NEK6: variants seen among roughly 807,000 people sequenced by gnomAD.
NEK6 encodes the protein serine/threonine-protein kinase Nek6.
Under a neutral mutation model 43.5 loss-of-function variants are expected in NEK6, and 27 were observed. The ratio of observed to expected loss-of-function variants is 0.62; its 90% CI spans 0.46 to 0.86. NEK6 has a LOEUF of 0.86. NEK6 is among the 40% of genes least tolerant of loss of function. The pLI is 0.00. For missense variants in NEK6, 318 were observed against 414.4 expected (o/e 0.77, Z 2.02); for synonymous variants, 167 against 164.1 (o/e 1.02, Z -0.14).
intron 1 of NEK6, among the ~76,000 whole-genome samples, chr9:124,287,904 C>T (rs1291666719): frequency 6.6e-6 from 1 of 152,182 alleles, no homozygotes; most frequent in Non-Finnish European, 1.5e-5. Flanking sequence ...GAGGCACAAT[C>T]GTCATGTAAA....
At chr9:124,279,976 A>C (rs1831823154) in intron 1 of NEK6, among the ~76,000 whole-genome samples, 1 of 152,240 alleles carries the variant, frequency 6.6e-6, no homozygotes, top group Non-Finnish European at 1.5e-5. Context: ...ATGATGGCAG[A>C]GTGGGTTAAC....
chr9:124,326,460 C>G lies in NEK6; in HGVS notation c.514+22C>G. On this transcript the variant is annotated intron_variant, in intron 6 of 9. Coordinates refer to ENST00000320246, the MANE Select transcript of NEK6 (RefSeq NM_014397.6). The surrounding 1 kb of genome is among the most constrained non-coding windows in gnomAD (Gnocchi z 4.5). Reference sequence around the variant, plus strand: ...CGAGGTACGTGCCACCCGCCAGGAGCCGCCCGGAGCCACCTGGAGCCCAGG... The same window carrying G: ...CGAGGTACGTGCCACCCGCCAGGAGGCGCCCGGAGCCACCTGGAGCCCAGG... The G allele has an allele frequency of 6.5e-7, 1 of 1,536,204 alleles. No homozygotes were observed. Among genetic ancestry groups the G allele is most frequent in the Non-Finnish European group, 8.8e-7 (1 of 1,133,276 alleles).
chr9:124,306,039 C>G (rs1373278052), intron 2 of NEK6, among the ~76,000 whole-genome samples: 1 of 152,066 alleles, frequency 6.6e-6, no homozygotes, highest in Non-Finnish European at 1.5e-5. Flanking sequence ...GGCTCGTGCT[C>G]AAGGCTCAGG....
chr9:124,291,851 G>T (rs1481393504), intron 1 of NEK6: 4 of 985,440 alleles, frequency 4.1e-6, no homozygotes, highest in Non-Finnish European at 4.8e-6. Context: ...CACTTTGGAG[G>T]TGGCAGCCGG....
intron 4 of NEK6, among the ~76,000 whole-genome samples, chr9:124,319,094 C>T (rs1321094747): frequency 1.3e-5 from 2 of 152,218 alleles, no homozygotes; most frequent in Admixed American, 6.5e-5. Context: ...AAGCGATTCT[C>T]CTGCCCCAAC....
chr9:124,336,593 G>A (rs565127114), intron 7 of NEK6, among the ~76,000 whole-genome samples: 1 of 152,268 alleles, frequency 6.6e-6, no homozygotes, highest in East Asian at 1.9e-4. Flanking sequence ...CCACATCTCA[G>A]CCAGCCTTTG....
upstream of NEK6, chr9:124,257,921 G>A (rs1382758753): frequency 5.2e-6 from 5 of 968,906 alleles, no homozygotes; most frequent in South Asian, 4.7e-5. Context: ...GGGGAGGGGC[G>A]GGCGCGCGGG....
chr9:124,339,691 G>A (rs1413435117), intron 8 of NEK6, 26 bp downstream of exon 8: 2 of 1,546,540 alleles, frequency 1.3e-6, no homozygotes, highest in South Asian at 2.2e-5. Flanking sequence ...TGGCTCAGCA[G>A]CATTTGGTGG....
chr9:124,291,216 C>T (rs1011302505), intron 1 of NEK6, among the ~76,000 whole-genome samples: 26 of 152,172 alleles, frequency 1.7e-4, no homozygotes, highest in Non-Finnish European at 3.4e-4. Context: ...ACAACTGGGA[C>T]GTGGCTAAGC....
At chr9:124,296,923 G>A (rs529543296) in intron 1 of NEK6, among the ~76,000 whole-genome samples, 10 of 152,350 alleles carry the variant, frequency 6.6e-5, no homozygotes, top group South Asian at 6.2e-4. Context: ...TACAGCAGCC[G>A]ATCCCTTCCA....
chr9:124,266,520 C>T (rs1831233986), intron 1 of NEK6, among the ~76,000 whole-genome samples: 1 of 152,170 alleles, frequency 6.6e-6, no homozygotes, highest in Non-Finnish European at 1.5e-5. Context: ...TGTGAGGGCC[C>T]CCAGGCAGCT....
rs1363577619 is a variant in NEK6 at position 124,351,575 on chromosome 9, T to C, written c.*628T>C. 1 of 152,306 alleles carries C rather than the reference T, an allele frequency of 6.6e-6. No individual in the cohort carries two copies. Among genetic ancestry groups the C allele is most frequent in the Non-Finnish European group, 1.5e-5 (1 of 68,108 alleles). The allele number at this position is 152,306 out of a possible 1,614,324, so 9.4% of individuals were successfully genotyped here. A position where few individuals can be genotyped will look rare whatever the true frequency, so the allele number is the denominator to read the frequency against. On this transcript the variant is annotated 3_prime_UTR_variant, in exon 10 of 10. Transcript: ENST00000320246. ...GGCATCGGGAAGCAGGAGCATCTTC[T>C]TGGCAGCCAGGCTGGGCCATCTTCT...
intron 4 of NEK6, 25 bp from the exon 5 acceptor site, chr9:124,321,429 GCCCCC>G: frequency 7.5e-6 from 11 of 1,462,206 alleles, no homozygotes; most frequent in Non-Finnish European, 9.6e-6. Context: ...TTCACTTGGT[GCCCCC>G]TTCCCTCTTT....
chr9:124,308,489 TAA>T (rs200174992), intron 2 of NEK6, among the ~76,000 whole-genome samples: 1,811 of 152,026 alleles, frequency 0.012, 26 homozygotes, highest in African/African-American at 0.04. Flanking sequence ...CCATCTCTAC[TAA>T]AAATACAAAA....
At chr9:124,278,732 A>G (rs962699198) in intron 1 of NEK6, among the ~76,000 whole-genome samples, 1 of 152,220 alleles carries the variant, frequency 6.6e-6, no homozygotes, top group Middle Eastern at 3.2e-3. Context: ...TGGTTGACAC[A>G]TTATACAGCT....
chr9:124,287,927 C>T (rs746053509), intron 1 of NEK6, among the ~76,000 whole-genome samples: 1 of 152,230 alleles, frequency 6.6e-6, no homozygotes, highest in Non-Finnish European at 1.5e-5. Flanking sequence ...TATAGGGTCT[C>T]TCACCAGCCA....
At chr9:124,333,098 G>T (rs2416926) in intron 7 of NEK6, among the ~76,000 whole-genome samples, 150,316 of 152,304 alleles carry the variant, frequency 0.99, 74,188 homozygotes, top group East Asian at 1. Flanking sequence ...CTTCCCCGAC[G>T]ACTCCTCAGA....
intron 1 of NEK6, chr9:124,291,720 G>A (rs1420306665): frequency 1.7e-6 from 1 of 605,670 alleles, no homozygotes; most frequent in African/African-American, 2.0e-5. Context: ...CGAGCACAAG[G>A]ACCAAAGGAA....
chr9:124,326,202 T>TCTCCCCCCCCCCC lies in NEK6; in HGVS notation c.406-127_406-126insTCCCCCCCCCCCC. 1 of 124,052 alleles carries TCTCCCCCCCCCCC rather than the reference T, an allele frequency of 8.1e-6. No individual in the cohort carries two copies. 7.7% of individuals were successfully genotyped at this position (124,052 alleles called of 1,614,324 possible). On this transcript the variant is annotated intron_variant, in intron 5 of 9. Coordinates refer to ENST00000320246, the MANE Select transcript of NEK6 (RefSeq NM_014397.6). The surrounding 1 kb of genome is among the most constrained non-coding windows in gnomAD (Gnocchi z 4.5). The stretch of plus-strand genomic sequence containing the variant: ...GCTTATTGTTTGCTCAGTGGCTCAA[T>TCTCCCCCCCCCCC]CCCCCCCCCCCGCCCCTGCCAGGCA...
Sources: gnomAD v4.1 joint callset for allele counts (sites outside exome capture counted in the v4.1 genomes callset) on GRCh38, gnomAD v4.1.1 for gene constraint, Gnocchi (gnomAD v3.1) non-coding constraint, MANE v1.5 for transcripts, NCBI Gene and HGNC (gene_info 2026-07-23, HGNC 2026-07-21) for gene names.